The following TBL3 variants were observed in gnomAD, a reference collection of about 807,000 sequenced individuals.
TBL3 encodes the protein transducin beta-like protein 3.
A neutral mutation model predicts 102.7 loss-of-function variants in TBL3; 71 were observed. The ratio of observed to expected loss-of-function variants is 0.69; its 90% CI spans 0.57 to 0.84. The LOEUF (loss-of-function observed/expected upper bound fraction) is 0.84, where lower values mean the gene tolerates loss of function less well. TBL3 is among the 40% of genes least tolerant of loss of function. The pLI is 0.00. For missense variants in TBL3, 1,188 were observed against 1,098.5 expected (o/e 1.08, Z -1.15); for synonymous variants, 578 against 477.7 (o/e 1.21, Z -2.74).
In TBL3 at chr16:1,977,764, C is replaced by T; in HGVS notation, c.1922C>T (p.Ala641Val). ...LWKDVTEAEQ[A>V]EEQARQEEQV... ...CAGGATGTGACCGAGGCGGAGCAGG[C>T]AGAGGAGCAGGCCAGGCAAGAGGAG... Residue 641 changes from alanine (A) to valine (V), a missense_variant, in exon 18 of 22, where the codon GCA (alanine) becomes GTA (valine). Physicochemically the swap from Ala to Val is moderately conservative, Grantham distance 64. Transcript: ENST00000568546. 2 of 1,555,536 alleles carry T rather than the reference C, an allele frequency of 1.3e-6. No homozygotes were observed. Among genetic ancestry groups the T allele is most frequent in the Non-Finnish European group, 8.7e-7 (1 of 1,149,000 alleles).
rs753308261 is a variant in TBL3, at chr16:1,976,038, C to T, written c.1130-18C>T. ...CCCCGTCTTGCTGTGTGACCTATACCTCCCCACAACATCTCAGATATCGTC... is the reference window on the plus strand; with the variant it reads ...CCCCGTCTTGCTGTGTGACCTATACTTCCCCACAACATCTCAGATATCGTC... On this transcript the variant is annotated intron_variant, in intron 11 of 21. Transcript: ENST00000568546. The T allele has an allele frequency of 3.7e-6, 6 of 1,614,212 alleles. No individual in the cohort carries two copies. The highest frequency in any genetic ancestry group is 3.3e-5 in the South Asian group (3 of 91,086).
At chr16:1,973,504 C>A (rs1487221017) in intron 1 of TBL3, among the ~76,000 whole-genome samples, 1 of 152,122 alleles carries the variant, frequency 6.6e-6, no homozygotes, top group Admixed American at 6.5e-5. Context: ...AGTGGCTGGC[C>A]AGAGACTGTG....
chr16:1,979,511 C>T lies in TBL3; in HGVS notation c.*826C>T, dbSNP rs201968733. ...CGGACAGCTCATCTGCGCGGCTGCT[C>T]TCGTAGGCGCGGGAAGCACAGAACT... On this transcript the variant is annotated 3_prime_UTR_variant, in exon 22 of 22. Transcript: ENST00000568546. 1.2e-4 allele frequency: 196 copies of T among 1,611,490 alleles called. No homozygotes were observed. The highest frequency in any genetic ancestry group is 7.5e-5 in the Non-Finnish European group (89 of 1,179,230).
chr16:1,976,140 A>T, intron 12 of TBL3, 26 bp downstream of exon 12: 2 of 1,614,022 alleles, frequency 1.2e-6, no homozygotes, highest in Non-Finnish European at 1.7e-6. Context: ...AGGTAGGGGC[A>T]GGGGCACCAG....
Position 1,979,028 on chromosome 16 carries a change from A to G in TBL3, c.*343A>G. 1 of 1,534,606 alleles carries G rather than the reference A, an allele frequency of 6.5e-7. No homozygotes were observed. Among genetic ancestry groups the G allele is most frequent in the Non-Finnish European group, 8.7e-7 (1 of 1,149,854 alleles). On this transcript the variant is annotated 3_prime_UTR_variant, in exon 22 of 22. Coordinates refer to ENST00000568546, the MANE Select transcript of TBL3 (RefSeq NM_006453.3). ...CCCCAGCCCTGGGATGGCGCGGTCC[A>G]TCCCCTCATCGGGATCCTCGCGCTC...
Position 1,981,524 on chromosome 16 carries a change from C to G in TBL3, c.*2839C>G, listed in dbSNP as rs996203765. On this transcript the variant is annotated 3_prime_UTR_variant, in exon 22 of 22. Coordinates refer to ENST00000568546, the MANE Select transcript of TBL3 (RefSeq NM_006453.3). ...CTGCCTGGGGCCCTCCTGCCTGCCT[C>G]TGGCCACAGGAGGAGGGAGGAGAAG... 1 of 357,296 alleles carries G rather than the reference C, an allele frequency of 2.8e-6. No homozygotes were observed. 22.1% of individuals were successfully genotyped at this position (357,296 alleles called of 1,614,324 possible). A position where few individuals can be genotyped will look rare whatever the true frequency, so the allele number is the denominator to read the frequency against.
In TBL3 at chr16:1,980,858, A is replaced by C. The variant is rs1057310504; in HGVS notation, c.*2173A>C. 1.1e-5 allele frequency: 16 copies of C among 1,460,222 alleles called. No homozygotes were observed. The highest frequency in any genetic ancestry group is 1.4e-5 in the Non-Finnish European group (15 of 1,056,616). 90.5% of individuals were successfully genotyped at this position (1,460,222 alleles called of 1,614,324 possible). A position where few individuals can be genotyped will look rare whatever the true frequency, so the allele number is the denominator to read the frequency against. On this transcript the variant is annotated 3_prime_UTR_variant, in exon 22 of 22. Coordinates refer to ENST00000568546, the MANE Select transcript of TBL3 (RefSeq NM_006453.3). Reference sequence around the variant, plus strand: ...GGACGAAGGGCCTCCAGTGGGAGTCACTGATGGGAGGCAGTCCAGTGGGAG... The same window carrying C: ...GGACGAAGGGCCTCCAGTGGGAGTCCCTGATGGGAGGCAGTCCAGTGGGAG...
intron 1 of TBL3, among the ~76,000 whole-genome samples, chr16:1,973,165 G>A (rs1187934557): frequency 6.6e-6 from 1 of 152,064 alleles, no homozygotes; most frequent in African/African-American, 2.4e-5. Flanking sequence ...GGGGAGGCCG[G>A]GCGCGGTGGC....
At position 1,975,410 on chromosome 16, in the gene TBL3, G is replaced by A; in HGVS notation, c.777G>A (p.Gly259=). 1.2e-6 allele frequency: 2 copies of A among 1,613,898 alleles called. No individual in the cohort carries two copies. Among genetic ancestry groups the A allele is most frequent in the Non-Finnish European group, 1.7e-6 (2 of 1,179,992 alleles). The change falls in exon 9 of 22, where the codon GGG becomes GGA. Residue 259 remains glycine, a synonymous_variant. Transcript: ENST00000568546. ...PVSQLGVKSP[G]LYFLTAGDQG... is the part of the protein sequence containing the mutation. Reference sequence around the variant, plus strand: ...CCCAGCTGGGTGTGAAGTCCCCAGGGCTGTACTTTCTGACAGCTGGCGACC... The same window carrying A: ...CCCAGCTGGGTGTGAAGTCCCCAGGACTGTACTTTCTGACAGCTGGCGACC...
Position 1,974,797 on chromosome 16 carries a change from C to A in TBL3, c.414C>A (p.Ile138=), listed in dbSNP as rs778330440. ...GCDGAVRVWD[I]VRHYGTHHFR... is the part of the protein sequence containing the mutation. The stretch of plus-strand genomic sequence containing the variant: ...ATGGGGCCGTGCGCGTCTGGGACAT[C>A]GTGCGGCACTACGGGACACACCACT... The change falls in exon 6 of 22, where the codon ATC becomes ATA. Residue 138 remains isoleucine (I), a synonymous_variant. Transcript: ENST00000568546. 2 of 1,613,160 alleles carry A rather than the reference C, an allele frequency of 1.2e-6. No homozygotes were observed. The highest frequency in any genetic ancestry group is 1.7e-5 in the Admixed American group (1 of 60,006).
rs764058085 is a variant in TBL3, at chr16:1,975,326, T to G, written c.712-19T>G. ...GGGGAGGGGGCATGATAGCAGCCTG[T>G]GACCCAATTCGTCTCCAGAGCGTGG... On this transcript the variant is annotated intron_variant, in intron 8 of 21. Transcript: ENST00000568546. 20 of 1,614,026 alleles carry G rather than the reference T, an allele frequency of 1.2e-5. No individual in the cohort carries two copies. In the Admixed American group the frequency reaches 3.3e-4, roughly 27 times the overall value.
chr16:1,975,263 G>T lies in TBL3; in HGVS notation c.711+1G>T. 6.2e-7 allele frequency: 1 copy of T among 1,614,008 alleles called. No homozygotes were observed. The highest frequency in any genetic ancestry group is 8.5e-7 in the Non-Finnish European group (1 of 1,180,032). The stretch of plus-strand genomic sequence containing the variant: ...CACGAGGACCGTGCCTGTGTTTGAG[G>T]TGGGGATGCCTGGAGGCCAGGGCTG... On this transcript the variant is annotated splice_donor_variant, in intron 8 of 21. Coordinates refer to ENST00000568546, the MANE Select transcript of TBL3 (RefSeq NM_006453.3). LOFTEE classifies it high-confidence loss of function.
rs1310328330 is a variant in TBL3 at position 1,979,783 on chromosome 16, C to G, written c.*1098C>G. 6.5e-7 allele frequency: 1 copy of G among 1,528,690 alleles called. No homozygotes were observed. 94.7% of individuals were successfully genotyped at this position (1,528,690 alleles called of 1,614,324 possible). A position where few individuals can be genotyped will look rare whatever the true frequency, so the allele number is the denominator to read the frequency against. ...TGGTGGCGTGAGGGGTGGGGTTAGGCGCATACCGCTGCTCCCTAGGGACGG... is the reference window on the plus strand; with the variant it reads ...TGGTGGCGTGAGGGGTGGGGTTAGGGGCATACCGCTGCTCCCTAGGGACGG... On this transcript the variant is annotated 3_prime_UTR_variant, in exon 22 of 22. Coordinates refer to ENST00000568546, the MANE Select transcript of TBL3 (RefSeq NM_006453.3).
chr16:1,975,031 G>A lies in TBL3; in HGVS notation c.568G>A (p.Val190Met), dbSNP rs763967327. 6.2e-7 allele frequency: 1 copy of A among 1,607,346 alleles called. No individual in the cohort carries two copies. Among genetic ancestry groups the A allele is most frequent in the Non-Finnish European group, 8.5e-7 (1 of 1,179,994 alleles). The change falls in exon 7 of 22, where the codon GTG (valine) becomes ATG (methionine). Residue 190 changes from valine (V) to methionine (M), a missense_variant. Val to Met is a conservative substitution (Grantham distance 21, BLOSUM62 1). Transcript: ENST00000568546. ...ACTGCAGGACCGGTCATGCCTGGCT[G>A]TGCTGACTGCCCACTACAGCGCCGT... ...WSLQDRSCLA[V>M]LTAHYSAVTS...
At position 1,979,252 on chromosome 16, in the gene TBL3, G is replaced by A. The variant is rs1392371926; in HGVS notation, c.*567G>A. On this transcript the variant is annotated 3_prime_UTR_variant, in exon 22 of 22. Coordinates refer to ENST00000568546, the MANE Select transcript of TBL3 (RefSeq NM_006453.3). The stretch of plus-strand genomic sequence containing the variant: ...GGGAAGCCCCGGGCCTCACCCGCCG[G>A]GTCGTCTCCTCCACGGAACCCCGTC... The A allele has an allele frequency of 6.6e-7, 1 of 1,520,870 alleles. No homozygotes were observed. The allele number at this position is 1,520,870 out of a possible 1,614,324, so 94.2% of individuals were successfully genotyped here. A position where few individuals can be genotyped will look rare whatever the true frequency, so the allele number is the denominator to read the frequency against.
rs778834938 is a variant in TBL3 at position 1,974,698 on chromosome 16, G to C, written c.379+19G>C. On this transcript the variant is annotated intron_variant, in intron 5 of 21. Coordinates refer to ENST00000568546, the MANE Select transcript of TBL3 (RefSeq NM_006453.3). ...GCCACAGGTAGGGCCCTGCCGTGCAGGTGGGTCGTGGGCACAGATGCAGGG... is the reference window on the plus strand; with the variant it reads ...GCCACAGGTAGGGCCCTGCCGTGCACGTGGGTCGTGGGCACAGATGCAGGG... The C allele has an allele frequency of 4.3e-6, 7 of 1,611,274 alleles. 1 individual carries two copies. The South Asian group carries it at 7.7e-5, about 18-fold the overall frequency.
chr16:1,975,840 C>A lies in TBL3; in HGVS notation c.1020C>A (p.Val340=). The change falls in exon 11 of 22, where the codon GTC becomes GTA. Residue 340 remains valine, a synonymous_variant. Coordinates refer to ENST00000568546, the MANE Select transcript of TBL3 (RefSeq NM_006453.3). ...FAGYSEEVLD[V]RFLGPEDSHV... is the part of the protein sequence containing the mutation. ...GCTACAGTGAGGAGGTTTTGGATGTCCGGTTTCTTGGGCCCGAGGACTCCC... is the reference window on the plus strand; with the variant it reads ...GCTACAGTGAGGAGGTTTTGGATGTACGGTTTCTTGGGCCCGAGGACTCCC... 1 of 1,614,186 alleles carries A rather than the reference C, an allele frequency of 6.2e-7. No homozygotes were observed. The highest frequency in any genetic ancestry group is 1.1e-5 in the South Asian group (1 of 91,090).
rs1023593297 is a variant in TBL3 at position 1,977,820 on chromosome 16, G to A, written c.1958+20G>A. On this transcript the variant is annotated intron_variant, in intron 18 of 21. Coordinates refer to ENST00000568546, the MANE Select transcript of TBL3 (RefSeq NM_006453.3). ...GGTCAGGTAAGGCCAGGGCAGTGGC[G>A]CCCCTCCCCGCATCAGCCCTGCTCT... 2.2e-5 allele frequency: 35 copies of A among 1,557,662 alleles called. No homozygotes were observed. In the African/African-American group the frequency reaches 3.0e-4, roughly 13 times the overall value.
In TBL3 at chr16:1,974,692, C is replaced by T. The variant is rs760966669; in HGVS notation, c.379+13C>T. Reference sequence around the variant, plus strand: ...CTGCTAGCCACAGGTAGGGCCCTGCCGTGCAGGTGGGTCGTGGGCACAGAT... The same window carrying T: ...CTGCTAGCCACAGGTAGGGCCCTGCTGTGCAGGTGGGTCGTGGGCACAGAT... On this transcript the variant is annotated intron_variant, in intron 5 of 21. Coordinates refer to ENST00000568546, the MANE Select transcript of TBL3 (RefSeq NM_006453.3). 34 of 1,610,740 alleles carry T rather than the reference C, an allele frequency of 2.1e-5. No individual in the cohort carries two copies. The highest frequency in any genetic ancestry group is 1.7e-4 in the Middle Eastern group (1 of 6,024).
Sources: gnomAD v4.1 joint callset for allele counts (sites outside exome capture counted in the v4.1 genomes callset) on GRCh38, gnomAD v4.1.1 for gene constraint, MANE v1.5 for transcripts, NCBI Gene and HGNC (gene_info 2026-07-23, HGNC 2026-07-21) for gene names.